FRMD6: variants seen among roughly 807,000 people sequenced by gnomAD.
The protein encoded by FRMD6 is FERM domain containing 6.
Under a neutral mutation model 73.2 loss-of-function variants are expected in FRMD6, and 37 were observed. The observed-to-expected ratio is 0.51, with a 90% CI of 0.39 to 0.66. The LOEUF (loss-of-function observed/expected upper bound fraction) is 0.66, where lower values mean the gene tolerates loss of function less well. Among genes scored for constraint, FRMD6 ranks in the 30% least tolerant of loss-of-function variants. The pLI, the probability that FRMD6 is intolerant of heterozygous loss-of-function variation, is 0.00. For missense variants in FRMD6, 714 were observed against 780.5 expected (o/e 0.91, Z 1.02); for synonymous variants, 273 against 282.2 (o/e 0.97, Z 0.33).
chr14:51,576,906 C>G (rs1330770460), intron 2 of FRMD6, among the ~76,000 whole-genome samples: 2 of 152,190 alleles, frequency 1.3e-5, no homozygotes, highest in Admixed American at 6.5e-5. Context: ...CCTCTCCTGT[C>G]TGATCCAATG....
In FRMD6 at chr14:51,629,240, A is replaced by G. The variant is rs899426339; in HGVS notation, c.-147+58830A>G. Among the ~76,000 whole-genome samples, 5 of 152,134 alleles carry G rather than the reference A, an allele frequency of 3.3e-5. No homozygotes were observed. In the South Asian group the frequency reaches 1.0e-3, roughly 31 times the overall value. Reference sequence around the variant, plus strand: ...GTTCATCCACGTTGTTGCACATATCAATAGTTTGTTCCTTTTTACTGCTGA... The same window carrying G: ...GTTCATCCACGTTGTTGCACATATCGATAGTTTGTTCCTTTTTACTGCTGA... On this transcript the variant is annotated intron_variant, in intron 2 of 14. Coordinates refer to the FRMD6 transcript ENST00000356218.
chr14:51,551,916 AAC>A (rs1275515275), intron 1 of FRMD6, among the ~76,000 whole-genome samples: 1 of 152,082 alleles, frequency 6.6e-6, no homozygotes, highest in African/African-American at 2.4e-5. Context: ...TGTTTTCAGA[AAC>A]ACACACACAG....
intron 2 of FRMD6, among the ~76,000 whole-genome samples, chr14:51,577,485 A>G (rs1451199658): frequency 6.6e-6 from 1 of 152,244 alleles, no homozygotes; most frequent in Non-Finnish European, 1.5e-5. Context: ...TATGCTAAGT[A>G]TACAGCCTTG....
rs76002806 is a variant in FRMD6 at position 51,547,399 on chromosome 14, G to T, written c.-209-22949G>T. ...TTTGGCCTGAGCTGGATGTCAGCCT[G>T]ATTCCTAACCCTCCTCATGGAGTCA... On this transcript the variant is annotated intron_variant, in intron 1 of 14. Coordinates refer to the FRMD6 transcript ENST00000356218. Among the ~76,000 whole-genome samples, 58 of 152,260 alleles carry T rather than the reference G, an allele frequency of 3.8e-4. 3 individuals carry two copies. The East Asian group carries it at 0.011, about 29-fold the overall frequency.
intron 1 of FRMD6, among the ~76,000 whole-genome samples, chr14:51,529,494 C>T (rs1885459181): frequency 6.6e-6 from 1 of 152,142 alleles, no homozygotes; most frequent in Non-Finnish European, 1.5e-5. Context: ...GCGAGCACAA[C>T]TACTATTGTT....
the FRMD6 span, among the ~76,000 whole-genome samples, chr14:51,472,433 G>A: frequency 9.8e-3 from 1,498 of 152,120 alleles, 23 homozygotes; most frequent in African/African-American, 0.032. Context: ...CCTCCCGAGT[G>A]GCTGGGACTA....
At chr14:51,412,678 C>T in the FRMD6 span, among the ~76,000 whole-genome samples, 2 of 151,912 alleles carry the variant, frequency 1.3e-5, no homozygotes, top group Non-Finnish European at 2.9e-5. Flanking sequence ...GGTGCAACCC[C>T]ATCTCTAATA....
chr14:51,621,826 A>G (rs577411323), intron 2 of FRMD6, among the ~76,000 whole-genome samples: 96 of 152,318 alleles, frequency 6.3e-4, no homozygotes, highest in African/African-American at 2.2e-3. Flanking sequence ...TGGGTCAGAA[A>G]GCCAGTGAGG....
intron 1 of FRMD6, among the ~76,000 whole-genome samples, chr14:51,555,242 G>A (rs1477689716): frequency 6.6e-6 from 1 of 152,148 alleles, no homozygotes; most frequent in Non-Finnish European, 1.5e-5. Context: ...CCAAAGAAGA[G>A]TTCTACTAAT....
At chr14:51,487,490 C>T (rs1882794406), upstream of FRMD6, among the ~76,000 whole-genome samples, 1 of 152,062 alleles carries the variant, frequency 6.6e-6, no homozygotes, top group South Asian at 2.1e-4. Context: ...TGGATTAAGG[C>T]CTGAGGTCCT....
intron 1 of FRMD6, among the ~76,000 whole-genome samples, chr14:51,531,033 G>A (rs981453554): frequency 6.6e-6 from 1 of 152,144 alleles, no homozygotes; most frequent in Non-Finnish European, 1.5e-5. Context: ...GGGCAAAGAG[G>A]GTGAGGGAGA....
chr14:51,576,469 C>T (rs1888409550), intron 2 of FRMD6, among the ~76,000 whole-genome samples: 1 of 152,202 alleles, frequency 6.6e-6, no homozygotes, highest in Admixed American at 6.5e-5. Flanking sequence ...TGAACTCGGG[C>T]ATGCCTATCT....
the FRMD6 span, among the ~76,000 whole-genome samples, chr14:51,458,234 C>T: frequency 2.0e-5 from 3 of 152,146 alleles, no homozygotes; most frequent in Non-Finnish European, 4.4e-5. Context: ...ATTAACTGTT[C>T]CTTTTTCTTG....
intron 2 of FRMD6, among the ~76,000 whole-genome samples, chr14:51,619,732 T>C (rs1208002883): frequency 6.6e-6 from 1 of 152,214 alleles, no homozygotes; most frequent in Non-Finnish European, 1.5e-5. Flanking sequence ...TCCATGGTAC[T>C]TACCAAAATG....
At chr14:51,560,327 T>C (rs2025026) in intron 1 of FRMD6, among the ~76,000 whole-genome samples, 57,274 of 152,038 alleles carry the variant, frequency 0.38, 11,026 homozygotes, top group East Asian at 0.51. Context: ...CATATATTTA[T>C]GTACCAAATT....
At chr14:51,650,084 T>G (rs2140075370), upstream of FRMD6, 1 of 152,272 alleles carries the variant, frequency 6.6e-6, no homozygotes, top group Admixed American at 6.5e-5. Context: ...CTTGTTCTCT[T>G]TTGCATCATG....
At chr14:51,523,546 A>G (rs570238005) in intron 1 of FRMD6, among the ~76,000 whole-genome samples, 1 of 152,312 alleles carries the variant, frequency 6.6e-6, no homozygotes, top group East Asian at 1.9e-4. Context: ...CATCTAACCC[A>G]GTGCTCGTGA....
Position 51,503,816 on chromosome 14 carries a change from C to T in FRMD6, c.-210+14396C>T, listed in dbSNP as rs529911902. Reference sequence around the variant, plus strand: ...GAAATGGTACCAGCTCTTCTTTGTACGTTTGGTAGAATTCAGCTGTAAATC... The same window carrying T: ...GAAATGGTACCAGCTCTTCTTTGTATGTTTGGTAGAATTCAGCTGTAAATC... On this transcript the variant is annotated intron_variant, in intron 1 of 14. Transcript: ENST00000356218. 6.8e-5 allele frequency among the ~76,000 whole-genome samples: 10 copies of T among 146,568 alleles called. No individual in the cohort carries two copies. In the East Asian group the frequency reaches 8.0e-4, roughly 12 times the overall value.
chr14:51,514,496 C>T (rs999239350), intron 1 of FRMD6, among the ~76,000 whole-genome samples: 1 of 152,046 alleles, frequency 6.6e-6, no homozygotes, highest in Non-Finnish European at 1.5e-5. Context: ...ACATGTATCC[C>T]AGAACTTAAA....
Sources: allele counts gnomAD v4.1 joint callset (sites outside exome capture counted in the v4.1 genomes callset), GRCh38; gene constraint gnomAD v4.1.1; transcripts MANE v1.5; gene names NCBI Gene and HGNC (gene_info 2026-07-23, HGNC 2026-07-21).